Variants in MTA3 observed in about 807,000 individuals in gnomAD.
The protein encoded by MTA3 is metastasis-associated protein MTA3.
A neutral mutation model predicts 83.5 loss-of-function variants in MTA3; 34 were observed. The observed-to-expected ratio is 0.41, with a 90% confidence interval of 0.31 to 0.54. MTA3 has a LOEUF of 0.54. MTA3 is among the 20% of genes least tolerant of loss of function. MTA3 has a pLI of 0.33. For missense variants in MTA3, 761 were observed against 726.4 expected (o/e 1.05, Z -0.55); for synonymous variants, 303 against 252.7 (o/e 1.20, Z -1.89).
chr2:42,656,145 A>G, intron 6 of MTA3, 55 bp from the exon 7 acceptor site: 3 of 1,287,488 alleles, frequency 2.3e-6, no homozygotes, highest in African/African-American at 1.5e-5. Context: ...CATCAGTGGT[A>G]TGAGACAGTA....
intron 2 of MTA3, among the ~76,000 whole-genome samples, chr2:42,573,726 G>C (rs985499508): frequency 3.3e-5 from 5 of 152,028 alleles, no homozygotes; most frequent in Admixed American, 3.3e-4. Context: ...GGCCAGGCTG[G>C]TCTCAAACTC....
chr2:42,698,188 C>T (rs142591540), intron 11 of MTA3, among the ~76,000 whole-genome samples: 194 of 152,232 alleles, frequency 1.3e-3, no homozygotes, highest in African/African-American at 4.5e-3. Context: ...ATGCATACTG[C>T]TCTTTGGAGG....
chr2:42,602,529 T>C (rs1275786849), intron 3 of MTA3, among the ~76,000 whole-genome samples: 1 of 152,194 alleles, frequency 6.6e-6, no homozygotes, highest in Non-Finnish European at 1.5e-5. Flanking sequence ...CCTCTGTTAA[T>C]GTATGAGAAC....
chr2:42,696,063 A>G lies in MTA3; in HGVS notation c.966+224A>G, dbSNP rs541419437. ...ATGATAAATATTTTGGAGAGATACC[A>G]CTAGAGAGGCATTATTTTCCTTGCA... On this transcript the variant is annotated intron_variant, in intron 10 of 16. Transcript: ENST00000405094. Among the ~76,000 whole-genome samples the G allele has an allele frequency of 7.2e-5, 11 of 152,252 alleles. No homozygotes were observed. The South Asian group carries it at 1.0e-3, about 14-fold the overall frequency.
At chr2:42,737,927 A>T (rs1668727667) in intron 16 of MTA3, among the ~76,000 whole-genome samples, 1 of 152,220 alleles carries the variant, frequency 6.6e-6, no homozygotes, top group Non-Finnish European at 1.5e-5. Context: ...TAATATCACA[A>T]TAAAGCAAGT....
In MTA3 at chr2:42,753,819, T is replaced by C. The variant is rs940438585; in HGVS notation, c.*420T>C. 2.5e-5 allele frequency: 25 copies of C among 1,000,162 alleles called. No homozygotes were observed. Among genetic ancestry groups the C allele is most frequent in the Admixed American group, 5.9e-5 (1 of 16,944 alleles). 62.0% of individuals were successfully genotyped at this position (1,000,162 alleles called of 1,614,324 possible). A position where few individuals can be genotyped will look rare whatever the true frequency, so the allele number is the denominator to read the frequency against. On this transcript the variant is annotated 3_prime_UTR_variant, in exon 17 of 17. Transcript: ENST00000405094. ...TCTTATGCTGTATAGTTACTAAATA[T>C]GTACAGGAGGGCCATGGCATCTTTC...
intron 4 of MTA3, among the ~76,000 whole-genome samples, chr2:42,636,479 C>T (rs1227201739): frequency 2.6e-5 from 4 of 152,012 alleles, no homozygotes; most frequent in Non-Finnish European, 5.9e-5. Context: ...GAGGTTGAGG[C>T]TGCAGTGAAC....
rs192333262 is a variant in MTA3 at position 42,569,137 on chromosome 2, G to A, written c.28+364G>A. ...TCTTGCGTGGCTTCTAGGCGCTGGA[G>A]AGGATGAGGGGACATCCCCTCTCCT... On this transcript the variant is annotated intron_variant, in intron 1 of 16. Transcript: ENST00000405094. Among the ~76,000 whole-genome samples the A allele has an allele frequency of 4.4e-3, 673 of 151,874 alleles. 5 individuals are homozygous for A. The highest frequency in any genetic ancestry group is 0.015 in the African/African-American group (629 of 41,486).
chr2:42,601,011 A>G (rs1005268161), intron 3 of MTA3, among the ~76,000 whole-genome samples: 2 of 151,866 alleles, frequency 1.3e-5, no homozygotes, highest in African/African-American at 4.8e-5. Context: ...GGTTCAGGTA[A>G]TTCTCCTGCC....
At chr2:42,524,148 T>C (rs995457580) in intron 2 of MTA3, among the ~76,000 whole-genome samples, 7 of 152,042 alleles carry the variant, frequency 4.6e-5, no homozygotes, top group Non-Finnish European at 8.8e-5. Context: ...TGGTTCTAGA[T>C]TGGAAACTCC....
At chr2:42,607,545 TG>T (rs1224002966) in intron 3 of MTA3, among the ~76,000 whole-genome samples, 2 of 152,094 alleles carry the variant, frequency 1.3e-5, no homozygotes, top group Non-Finnish European at 2.9e-5. Flanking sequence ...TTGTATTTTT[TG>T]TAGAGATGTT....
chr2:42,594,728 A>ATATATATATATATATATATATT, intron 3 of MTA3, among the ~76,000 whole-genome samples: 14 of 24,044 alleles, frequency 5.8e-4, no homozygotes, highest in African/African-American at 2.0e-3. Context: ...ATATATATAT[A>ATATATATATATATATATATATT]TTTTTTTTTT....
At chr2:42,503,021 C>T (rs922459002) in intron 2 of MTA3, among the ~76,000 whole-genome samples, 2 of 151,544 alleles carry the variant, frequency 1.3e-5, no homozygotes, top group South Asian at 2.1e-4. Context: ...TGATCCAGAC[C>T]CCAAGAGAGG....
At chr2:42,587,724 C>T (rs1680510780) in intron 3 of MTA3, among the ~76,000 whole-genome samples, 1 of 152,070 alleles carries the variant, frequency 6.6e-6, no homozygotes, top group South Asian at 2.1e-4. Flanking sequence ...GCTTCAGCCA[C>T]CCGAGTAGCT....
chr2:42,613,033 C>A (rs4563282), intron 4 of MTA3, among the ~76,000 whole-genome samples: 1 of 152,104 alleles, frequency 6.6e-6, no homozygotes, highest in Non-Finnish European at 1.5e-5. Context: ...ACGTTGGTTT[C>A]TTTTAACAGA....
At chr2:42,622,001 G>A (rs1476369122) in intron 4 of MTA3, among the ~76,000 whole-genome samples, 2 of 152,080 alleles carry the variant, frequency 1.3e-5, no homozygotes, top group Non-Finnish European at 2.9e-5. Flanking sequence ...CCCAGACGGG[G>A]TGGCGGCCGG....
chr2:42,721,489 G>A (rs1019328189), intron 15 of MTA3, among the ~76,000 whole-genome samples: 3 of 151,804 alleles, frequency 2.0e-5, no homozygotes, highest in Non-Finnish European at 4.4e-5. Context: ...CACCACACTT[G>A]GCTAATTTTT....
At chr2:42,685,835 A>G (rs548901298) in intron 9 of MTA3, among the ~76,000 whole-genome samples, 16 of 152,170 alleles carry the variant, frequency 1.1e-4, no homozygotes, top group African/African-American at 3.9e-4. Context: ...TTGTTTTTAA[A>G]TTATCATCCC....
chr2:42,713,463 C>T (rs923611662), intron 14 of MTA3, among the ~76,000 whole-genome samples: 1 of 151,468 alleles, frequency 6.6e-6, no homozygotes, highest in Non-Finnish European at 1.5e-5. Context: ...TTAGTATGTG[C>T]CTTGTGGTAT....
Sources: gnomAD v4.1 joint callset for allele counts (sites outside exome capture counted in the v4.1 genomes callset) on GRCh38, gnomAD v4.1.1 for gene constraint, MANE v1.5 for transcripts, NCBI Gene and HGNC (gene_info 2026-07-23, HGNC 2026-07-21) for gene names.